The following AP2A1 variants were observed in gnomAD, a reference collection of about 807,000 sequenced individuals.
AP2A1 encodes the protein adaptor related protein complex 2 subunit alpha 1.
A neutral mutation model predicts 107.3 loss-of-function variants in AP2A1; 21 were observed. That is an observed-to-expected ratio of 0.20 (90% CI 0.14 to 0.28). The LOEUF (loss-of-function observed/expected upper bound fraction) is 0.28, where lower values mean the gene tolerates loss of function less well. Among genes scored for constraint, AP2A1 ranks in the 10% least tolerant of loss-of-function variants. AP2A1 has a pLI of 1.00. For synonymous variants in AP2A1, 602 were observed against 564.8 expected (o/e 1.07, Z -0.93); for missense variants, 873 against 1,307.7 (o/e 0.67, Z 5.13).
Position 49,799,952 on chromosome 19 carries a change from C to T in AP2A1, c.1273-16C>T, listed in dbSNP as rs376939716. On this transcript the variant is annotated splice_polypyrimidine_tract_variant and intron_variant, in intron 10 of 22. Transcript: ENST00000354293. ...ATGGCCTGCGGCACACTCTCTCTCA[C>T]ACGCCCCGGCGGCAGGTCCTGAAGG... is the stretch of plus-strand genomic sequence containing the variant. 4.3e-6 allele frequency: 7 copies of T among 1,611,196 alleles called. No individual in the cohort carries two copies. The highest frequency in any genetic ancestry group is 1.3e-5 in the African/African-American group (1 of 74,902).
intron 18 of AP2A1, chr19:49,803,680 T>C (rs2073322230): frequency 2.3e-6 from 1 of 431,198 alleles, no homozygotes; most frequent in African/African-American, 2.0e-5. Context: ...CTCCATGTCA[T>C]GATGCCAGCA....
Position 49,803,203 on chromosome 19 carries a change from G to A in AP2A1, c.2254+14G>A, listed in dbSNP as rs775580373. The stretch of plus-strand genomic sequence containing the variant: ...GACAGAACCTGGGTGTGTCCCGGGG[G>A]ACTGTGGGAATGGGTCGGAGGGAGA... On this transcript the variant is annotated intron_variant, in intron 17 of 22. Coordinates refer to ENST00000354293, the MANE Select transcript of AP2A1 (RefSeq NM_130787.3). 2 of 1,613,916 alleles carry A rather than the reference G, an allele frequency of 1.2e-6. No homozygotes were observed. The highest frequency in any genetic ancestry group is 1.7e-6 in the Non-Finnish European group (2 of 1,179,870).
Position 49,767,187 on chromosome 19 carries a change from C to T in AP2A1, c.54C>T (p.Ser18=). 6.2e-7 allele frequency: 1 copy of T among 1,611,826 alleles called. No individual in the cohort carries two copies. Among genetic ancestry groups the T allele is most frequent in the East Asian group, 2.2e-5 (1 of 44,860 alleles). ...TGCGGGGGCTCGCGGTGTTCATCTC[C>T]GACATCCGGAACTGTGAGCGCGCGG... ...DGMRGLAVFI[S]DIRNCKSKEA... is the part of the protein sequence containing the mutation. The change falls in exon 1 of 23, where the codon TCC becomes TCT. Residue 18 remains serine (S), a synonymous_variant. Coordinates refer to ENST00000354293, the MANE Select transcript of AP2A1 (RefSeq NM_130787.3).
At chr19:49,770,018 G>T (rs1467868141) in intron 1 of AP2A1, among the ~76,000 whole-genome samples, 1 of 152,064 alleles carries the variant, frequency 6.6e-6, no homozygotes, top group Non-Finnish European at 1.5e-5. Context: ...ACAGGCACCC[G>T]CCACCACGCT....
chr19:49,778,006 G>A (rs1025649578), intron 1 of AP2A1, among the ~76,000 whole-genome samples: 4 of 151,790 alleles, frequency 2.6e-5, no homozygotes, highest in Non-Finnish European at 5.9e-5. Flanking sequence ...AAAGAAATAC[G>A]TAAATATAAA....
rs536085317 is a variant in AP2A1, at chr19:49,787,212, T to C, written c.473+4488T>C. Among the ~76,000 whole-genome samples, 31 of 151,738 alleles carry C rather than the reference T, an allele frequency of 2.0e-4. No homozygotes were observed. The South Asian group carries it at 5.6e-3, about 28-fold the overall frequency. On this transcript the variant is annotated intron_variant, in intron 4 of 22. Transcript: ENST00000354293. ...TTTTTTTTTTGTAGAGATGGGGTTT[T>C]GCTATGTTGCCCAGGCTCCAGGCTG...
At position 49,803,597 on chromosome 19, in the gene AP2A1, A is replaced by T. The variant is rs1429516502; in HGVS notation, c.2344+221A>T. 14 of 574,670 alleles carry T rather than the reference A, an allele frequency of 2.4e-5. No individual in the cohort carries two copies. In the East Asian group the frequency reaches 3.6e-4, roughly 15 times the overall value. 35.6% of individuals were successfully genotyped at this position (574,670 alleles called of 1,614,324 possible). Reference sequence around the variant, plus strand: ...GGTGTGTGGGAGGCTTTACTTCCAGAACTCCACCTGCTCCAGGCCTCATTT... The same window carrying T: ...GGTGTGTGGGAGGCTTTACTTCCAGTACTCCACCTGCTCCAGGCCTCATTT... On this transcript the variant is annotated intron_variant, in intron 18 of 22. Coordinates refer to ENST00000354293, the MANE Select transcript of AP2A1 (RefSeq NM_130787.3).
chr19:49,806,713 G>T lies in AP2A1; in HGVS notation c.2823G>T (p.Glu941Asp). 6.2e-7 allele frequency: 1 copy of T among 1,613,430 alleles called. No individual in the cohort carries two copies. The highest frequency in any genetic ancestry group is 1.1e-5 in the South Asian group (1 of 91,062). The change falls in exon 23 of 23, where the codon GAG becomes GAT. Residue 941 changes from glutamate (E) to aspartate (D), a missense_variant. Physicochemically the swap from Glu to Asp is conservative, Grantham distance 45. This residue lies in a region of AP2A1 where 416 missense variants were observed against 473.4 expected (regional missense o/e 0.88). Coordinates refer to ENST00000354293, the MANE Select transcript of AP2A1 (RefSeq NM_130787.3). ...GGCTGACCCTGCGCACCAGCAAGGA[G>T]CCCGTCTCCCGTCACCTGTGTGAGC... Reference protein sequence around the residue: ...MYRLTLRTSKEPVSRHLCELL... With the variant: ...MYRLTLRTSKDPVSRHLCELL...
rs1312903552 is a variant in AP2A1, at chr19:49,803,295, T to C, written c.2263T>C (p.Tyr755His). The stretch of plus-strand genomic sequence containing the variant: ...TCCCCCACCTACTGCAGGCCGCATG[T>C]ATCTCTTCTATGGCAACAAGACCTC... ...SEFRQNLGRM[Y>H]LFYGNKTSVQ... The change falls in exon 18 of 23, where the codon TAT becomes CAT. Residue 755 changes from tyrosine to histidine, a missense_variant. Physicochemically the swap from Tyr to His is moderately conservative, Grantham distance 83. Coordinates refer to ENST00000354293, the MANE Select transcript of AP2A1 (RefSeq NM_130787.3). 17 of 1,613,808 alleles carry C rather than the reference T, an allele frequency of 1.1e-5. No individual in the cohort carries two copies. The highest frequency in any genetic ancestry group is 1.4e-5 in the Non-Finnish European group (17 of 1,179,866).
chr19:49,776,211 C>T (rs1028715073), intron 1 of AP2A1, among the ~76,000 whole-genome samples: 2 of 152,050 alleles, frequency 1.3e-5, no homozygotes, highest in Non-Finnish European at 2.9e-5. Flanking sequence ...CGCCGCCGCC[C>T]GCATCCTCAG....
chr19:49,767,930 G>C (rs980099269), intron 1 of AP2A1, among the ~76,000 whole-genome samples: 4 of 151,986 alleles, frequency 2.6e-5, no homozygotes, highest in Non-Finnish European at 4.4e-5. Flanking sequence ...GAACACAGAG[G>C]AAAAGAGCTG....
chr19:49,805,380 C>A, intron 18 of AP2A1, 73 bp from the exon 19 acceptor site: 1 of 1,447,316 alleles, frequency 6.9e-7, no homozygotes, highest in Non-Finnish European at 9.2e-7. Flanking sequence ...CTGCCGGGAG[C>A]TCTGGGGTTC....
At chr19:49,770,305 G>A (rs1322850801) in intron 1 of AP2A1, among the ~76,000 whole-genome samples, 1 of 152,106 alleles carries the variant, frequency 6.6e-6, no homozygotes, top group African/African-American at 2.4e-5. Flanking sequence ...TGCAGGCTTG[G>A]GGCACTGGTA....
intron 7 of AP2A1, chr19:49,796,085 G>A (rs1193536497): frequency 3.6e-6 from 1 of 279,070 alleles, no homozygotes; most frequent in East Asian, 8.8e-5. Flanking sequence ...CACTCACCCG[G>A]TCAGTGGGTG....
At position 49,802,616 on chromosome 19, in the gene AP2A1, G is replaced by A. The variant is rs762852063; in HGVS notation, c.2115-333G>A. The A allele has an allele frequency of 1.9e-6, 3 of 1,574,502 alleles. No homozygotes were observed. In the South Asian group the frequency reaches 3.5e-5, roughly 18 times the overall value. On this transcript the variant is annotated intron_variant, in intron 15 of 22. Transcript: ENST00000354293. ...AGCTGCTGAGTAAGGGGTGGCCTGGGGTGGGAGGTCGGTCGGGGGGGCGGA... is the reference window on the plus strand; with the variant it reads ...AGCTGCTGAGTAAGGGGTGGCCTGGAGTGGGAGGTCGGTCGGGGGGGCGGA...
At chr19:49,806,014 A>C in intron 21 of AP2A1, 73 bp downstream of exon 21, 3 of 1,612,016 alleles carry the variant, frequency 1.9e-6, no homozygotes, top group Non-Finnish European at 2.5e-6. Context: ...CCCATCTGTA[A>C]AGTGGGGCCA....
In AP2A1 at chr19:49,801,961, G is replaced by A. The variant is rs1424254375; in HGVS notation, c.1954-20G>A. On this transcript the variant is annotated intron_variant, in intron 14 of 22. Coordinates refer to ENST00000354293, the MANE Select transcript of AP2A1 (RefSeq NM_130787.3). ...CTGCCGGGCGCCGCCTGTCCTCACC[G>A]TGACCTGCGCTTCCTACAGTCGACG... 4 of 1,475,774 alleles carry A rather than the reference G, an allele frequency of 2.7e-6. No individual in the cohort carries two copies. The highest frequency in any genetic ancestry group is 2.4e-5 in the East Asian group (1 of 41,012). The allele number at this position is 1,475,774 out of a possible 1,614,324, so 91.4% of individuals were successfully genotyped here. A position where few individuals can be genotyped will look rare whatever the true frequency, so the allele number is the denominator to read the frequency against.
intron 4 of AP2A1, among the ~76,000 whole-genome samples, chr19:49,783,453 T>C (rs2084701625): frequency 6.6e-6 from 1 of 152,182 alleles, no homozygotes; most frequent in South Asian, 2.1e-4. Context: ...GTTGCGCCAG[T>C]GTACTCCAGC....
intron 4 of AP2A1, among the ~76,000 whole-genome samples, chr19:49,784,840 C>T (rs950114223): frequency 1.3e-5 from 2 of 152,078 alleles, no homozygotes; most frequent in Admixed American, 1.3e-4. Context: ...TGCACTCTAA[C>T]CTGGGTGACA....
Sources: allele counts gnomAD v4.1 joint callset (sites outside exome capture counted in the v4.1 genomes callset), GRCh38; gene constraint gnomAD v4.1.1; regional missense constraint gnomAD v4.1.1; transcripts MANE v1.5; gene names NCBI Gene and HGNC (gene_info 2026-07-23, HGNC 2026-07-21).